ATF7IP2: variants seen among roughly 807,000 people sequenced by gnomAD.
The protein encoded by ATF7IP2 is activating transcription factor 7-interacting protein 2.
A neutral mutation model predicts 64.2 loss-of-function variants in ATF7IP2; 42 were observed. The observed-to-expected ratio is 0.65, with a 90% confidence interval of 0.51 to 0.85. ATF7IP2 has a LOEUF of 0.85. ATF7IP2 is among the 40% of genes least tolerant of loss of function. The pLI is 0.00. For synonymous variants in ATF7IP2, 308 were observed against 272.8 expected (o/e 1.13, Z -1.27); for missense variants, 933 against 784.2 (o/e 1.19, Z -2.27).
chr16:10,475,946 TC>T (rs1244909655), intron 12 of ATF7IP2, among the ~76,000 whole-genome samples: 1 of 152,182 alleles, frequency 6.6e-6, no homozygotes, highest in Non-Finnish European at 1.5e-5. Context: ...GGAATGAAAG[TC>T]CTGTTTTGTC....
At chr16:10,428,452 A>G (rs1483555658) in intron 3 of ATF7IP2, among the ~76,000 whole-genome samples, 4 of 152,202 alleles carry the variant, frequency 2.6e-5, no homozygotes, top group Admixed American at 2.0e-4. Flanking sequence ...TATTTTAAGT[A>G]TAGTCATTTA....
intron 8 of ATF7IP2, chr16:10,447,777 G>T (rs1211369313): frequency 6.6e-6 from 1 of 152,222 alleles, no homozygotes; most frequent in Non-Finnish European, 1.5e-5. Flanking sequence ...AAGCTTGGTG[G>T]ATGCCTGGGC....
At chr16:10,443,498 C>G (rs371701697) in intron 8 of ATF7IP2, among the ~76,000 whole-genome samples, 5 of 152,192 alleles carry the variant, frequency 3.3e-5, no homozygotes, top group African/African-American at 1.2e-4. Flanking sequence ...TGTGCACAAG[C>G]GTAACAACTG....
chr16:10,393,976 A>C (rs1432938397), intron 1 of ATF7IP2, among the ~76,000 whole-genome samples: 1 of 152,202 alleles, frequency 6.6e-6, no homozygotes, highest in African/African-American at 2.4e-5. Flanking sequence ...CAGGAGTTCA[A>C]GGCTGCAGTG....
intron 3 of ATF7IP2, among the ~76,000 whole-genome samples, chr16:10,422,972 C>T (rs973055556): frequency 1.3e-5 from 2 of 152,200 alleles, no homozygotes; most frequent in African/African-American, 4.8e-5. Flanking sequence ...AGGCCAGGTG[C>T]AGTGGCTCAC....
At chr16:10,426,582 A>G (rs2048090263) in intron 3 of ATF7IP2, among the ~76,000 whole-genome samples, 1 of 152,178 alleles carries the variant, frequency 6.6e-6, no homozygotes, top group Admixed American at 6.5e-5. Context: ...TTCTTACTAT[A>G]TATTGTAATA....
intron 6 of ATF7IP2, among the ~76,000 whole-genome samples, chr16:10,436,140 C>T (rs1237671958): frequency 1.3e-5 from 2 of 152,180 alleles, no homozygotes; most frequent in Non-Finnish European, 2.9e-5. Context: ...TTGGGTGGAT[C>T]ACTTGAGGTC....
In ATF7IP2 at chr16:10,433,585, C is replaced by G; in HGVS notation, c.896C>G (p.Thr299Ser). 6.2e-7 allele frequency: 1 copy of G among 1,613,370 alleles called. No homozygotes were observed. Among genetic ancestry groups the G allele is most frequent in the Non-Finnish European group, 8.5e-7 (1 of 1,179,386 alleles). ...GAGGAAAATGTTAAACGCATGAAAACTTCAGAGCAAATTAATGAAAATATT... is the reference window on the plus strand; with the variant it reads ...GAGGAAAATGTTAAACGCATGAAAAGTTCAGAGCAAATTAATGAAAATATT... ...ENEENVKRMK[T>S]SEQINENICV... Residue 299 changes from threonine (T) to serine (S), a missense_variant, in exon 6 of 14, where the codon ACT becomes AGT. Transcript: ENST00000562102.
intron 12 of ATF7IP2, among the ~76,000 whole-genome samples, chr16:10,477,428 C>A (rs546547097): frequency 6.6e-6 from 1 of 151,998 alleles, no homozygotes; most frequent in African/African-American, 2.4e-5. Context: ...ATTCAACAAC[C>A]CTTCATGCTA....
intron 9 of ATF7IP2, among the ~76,000 whole-genome samples, chr16:10,458,314 G>A (rs1289538454): frequency 2.6e-5 from 4 of 152,200 alleles, no homozygotes; most frequent in Non-Finnish European, 4.4e-5. Flanking sequence ...CTACATTTCA[G>A]TGACACTTTG....
chr16:10,482,214 A>T lies in ATF7IP2; in HGVS notation c.2014A>T (p.Lys672Ter). 6.2e-7 allele frequency: 1 copy of T among 1,603,170 alleles called. No homozygotes were observed. Reference sequence around the variant, plus strand: ...ACGATATGGACCATTCTGTGATATAAAATCTATCCCTGGGTTTTCTGAAAA... The same window carrying T: ...ACGATATGGACCATTCTGTGATATATAATCTATCCCTGGGTTTTCTGAAAA... Reference protein sequence around the residue: ...FGRYGPFCDIKSIPGFSENLT With the variant: ...FGRYGPFCDI Residue 672 changes from lysine to a stop codon, truncating the protein, a stop_gained, in exon 14 of 14, where the codon AAA (lysine) becomes TAA (stop). Coordinates refer to ENST00000562102, the MANE Select transcript of ATF7IP2 (RefSeq NM_001393719.1). LOFTEE classifies it high-confidence loss of function.
chr16:10,460,105 A>ATCTT (rs1402908948), intron 9 of ATF7IP2, among the ~76,000 whole-genome samples: 1 of 152,202 alleles, frequency 6.6e-6, no homozygotes, highest in Non-Finnish European at 1.5e-5. Flanking sequence ...TATCTAAGAA[A>ATCTT]TCTTTCGTAT....
At chr16:10,475,424 G>T (rs1217801485) in intron 12 of ATF7IP2, among the ~76,000 whole-genome samples, 1 of 152,118 alleles carries the variant, frequency 6.6e-6, no homozygotes, top group African/African-American at 2.4e-5. Flanking sequence ...GGGCGCGGTG[G>T]CTCACGCCTG....
chr16:10,472,243 GCTTTA>G, intron 10 of ATF7IP2, 60 bp downstream of exon 10: 1 of 800,206 alleles, frequency 1.2e-6, no homozygotes, highest in Non-Finnish European at 1.9e-6. Context: ...ATCAATGTTT[GCTTTA>G]AAGTGAAAAA....
rs183141154 is a variant in ATF7IP2, at chr16:10,446,588, A to C, written c.1194+6126A>C. 254 of 152,306 alleles carry C rather than the reference A, an allele frequency of 1.7e-3. 1 individual carries two copies. The highest frequency in any genetic ancestry group is 5.7e-3 in the African/African-American group (238 of 41,570). The allele number at this position is 152,306 out of a possible 1,614,324, so 9.4% of individuals were successfully genotyped here. The stretch of plus-strand genomic sequence containing the variant: ...GACACATCCAATCCTCATATGACCC[A>C]AACTTTGGCCAAAAAACTGAGGGTT... On this transcript the variant is annotated intron_variant, in intron 8 of 13. Transcript: ENST00000562102.
At chr16:10,404,476 T>C (rs2047595201) in intron 1 of ATF7IP2, among the ~76,000 whole-genome samples, 1 of 152,154 alleles carries the variant, frequency 6.6e-6, no homozygotes, top group Non-Finnish European at 1.5e-5. Flanking sequence ...AACTCCTGAC[T>C]TTATAAATGA....
At chr16:10,464,662 A>T (rs1245042076) in intron 9 of ATF7IP2, among the ~76,000 whole-genome samples, 1 of 152,196 alleles carries the variant, frequency 6.6e-6, no homozygotes, top group Non-Finnish European at 1.5e-5. Flanking sequence ...TGATTGAATA[A>T]AATATTAATC....
intron 1 of ATF7IP2, among the ~76,000 whole-genome samples, chr16:10,411,481 C>T (rs1251859581): frequency 6.6e-6 from 1 of 151,928 alleles, no homozygotes. Flanking sequence ...AGCAGTTCTC[C>T]TGTCTCAGCC....
In ATF7IP2 at chr16:10,391,234, T is replaced by C. The variant is rs531912670; in HGVS notation, c.-242+5112T>C. On this transcript the variant is annotated intron_variant, in intron 1 of 13. Coordinates refer to ENST00000562102, the MANE Select transcript of ATF7IP2 (RefSeq NM_001393719.1). ...ACTTTGGGAGGCTGAGGTGGGTGGA[T>C]TGCTGGAGCCCAGAAGTTCAAGACC... Among the ~76,000 whole-genome samples, 91 of 151,414 alleles carry C rather than the reference T, an allele frequency of 6.0e-4. No individual in the cohort carries two copies. In the Middle Eastern group the frequency reaches 0.014, roughly 24 times the overall value.
Sources: gnomAD v4.1 joint callset for allele counts (sites outside exome capture counted in the v4.1 genomes callset) on GRCh38, gnomAD v4.1.1 for gene constraint, MANE v1.5 for transcripts, NCBI Gene and HGNC (gene_info 2026-07-23, HGNC 2026-07-21) for gene names.